PRELID2: variants seen among roughly 807,000 people sequenced by gnomAD.
PRELID2 encodes the protein PRELI domain-containing protein 2.
PRELID2 carries 25 observed loss-of-function variants against 28.4 expected under a neutral mutation model. The observed-to-expected ratio is 0.88, with a 90% CI of 0.64 to 1.23. PRELID2 has a LOEUF of 1.23. Ranked by LOEUF, PRELID2 falls within the 50% of genes most tolerant of loss-of-function variation. The probability of loss-of-function intolerance (pLI) is 0.00; values close to 1 mark genes in which losing one functional copy is unlikely to be tolerated. For synonymous variants in PRELID2, 76 were observed against 71.6 expected, an observed-to-expected ratio of 1.06 and a Z score of -0.31; for missense variants, 201 against 214.4, an observed-to-expected ratio of 0.94 and a Z score of 0.39.
At chr5:145,739,724 G>A (rs1178851334) in intron 1 of PRELID2, among the ~76,000 whole-genome samples, 1 of 151,806 alleles carries the variant, frequency 6.6e-6, no homozygotes, top group Non-Finnish European at 1.5e-5. Context: ...GCAAAGGGAG[G>A]TAAGGTTTCT....
At chr5:145,540,282 CATA>C (rs1312705200) in intron 1 of PRELID2, among the ~76,000 whole-genome samples, 5 of 151,952 alleles carry the variant, frequency 3.3e-5, no homozygotes, top group African/African-American at 9.6e-5. Context: ...GAATTAGAAA[CATA>C]ATAAGGGGAA....
the PRELID2 span, among the ~76,000 whole-genome samples, chr5:145,361,724 A>G: frequency 1.3e-5 from 2 of 152,124 alleles, no homozygotes; most frequent in African/African-American, 2.4e-5. Flanking sequence ...GCTCCTCATG[A>G]TCTGGCCTTG....
In PRELID2 at chr5:145,819,192, A is replaced by G. The variant is rs144311206; in HGVS notation, c.207+753T>C. On this transcript the variant is annotated intron_variant, in intron 3 of 6. Transcript: ENST00000683046. ...ATTACTCAGTCTCAGGTATGTCTTT[A>G]TCAGTAGCCTGAGAATGGAGTAACA... Among the ~76,000 whole-genome samples, 474 of 152,292 alleles carry G rather than the reference A, an allele frequency of 3.1e-3. 2 individuals are homozygous for G. The highest frequency in any genetic ancestry group is 0.01 in the African/African-American group (431 of 41,560).
the PRELID2 span, among the ~76,000 whole-genome samples, chr5:145,417,868 T>C: frequency 1.3e-5 from 2 of 152,148 alleles, no homozygotes; most frequent in African/African-American, 4.8e-5. Flanking sequence ...ACCATTTCTA[T>C]TCAACATAGT....
At chr5:145,678,118 A>G (rs1219773241) in intron 1 of PRELID2, among the ~76,000 whole-genome samples, 2 of 152,240 alleles carry the variant, frequency 1.3e-5, no homozygotes, top group Non-Finnish European at 2.9e-5. Context: ...CATATAATCC[A>G]GGCAAAAACT....
chr5:145,831,983 T>C (rs1483182921), intron 1 of PRELID2, among the ~76,000 whole-genome samples: 1 of 152,204 alleles, frequency 6.6e-6, no homozygotes, highest in Non-Finnish European at 1.5e-5. Flanking sequence ...ATTAAAAGCC[T>C]GTCATTGGTT....
chr5:145,564,750 T>C (rs1395950839), intron 1 of PRELID2, among the ~76,000 whole-genome samples: 1 of 152,180 alleles, frequency 6.6e-6, no homozygotes, highest in Non-Finnish European at 1.5e-5. Context: ...TTCCAATTGA[T>C]GGAAGAAATA....
chr5:145,287,349 C>G, the PRELID2 span, among the ~76,000 whole-genome samples: 73 of 152,006 alleles, frequency 4.8e-4, no homozygotes, highest in Non-Finnish European at 8.5e-4. Flanking sequence ...TGAATGTAGT[C>G]TCTTGCTCTC....
At chr5:145,330,767 A>G in the PRELID2 span, among the ~76,000 whole-genome samples, 1 of 152,062 alleles carries the variant, frequency 6.6e-6, no homozygotes, top group East Asian at 1.9e-4. Flanking sequence ...TCGTACCTCT[A>G]TCTCCTTCAG....
the PRELID2 span, among the ~76,000 whole-genome samples, chr5:145,394,131 T>A: frequency 6.6e-6 from 1 of 152,088 alleles, no homozygotes; most frequent in Admixed American, 6.6e-5. Flanking sequence ...CACATGTACA[T>A]GTATGTTTAT....
At chr5:145,729,392 AC>A (rs1326214623) in intron 1 of PRELID2, 12 of 447,902 alleles carry the variant, frequency 2.7e-5, no homozygotes, top group African/African-American at 2.5e-4. Context: ...GAGGCAGGTT[AC>A]CCATGAAACT....
the PRELID2 span, among the ~76,000 whole-genome samples, chr5:145,378,518 T>C: frequency 9.5e-4 from 145 of 152,296 alleles, no homozygotes; most frequent in Non-Finnish European, 4.1e-4. Context: ...TGTCTGACTG[T>C]CTTATTTCAG....
At chr5:145,676,212 C>T (rs1245113502) in intron 1 of PRELID2, among the ~76,000 whole-genome samples, 8 of 127,408 alleles carry the variant, frequency 6.3e-5, no homozygotes, top group Admixed American at 5.7e-4. Context: ...AAGAGCGAAA[C>T]TCCATCTCAA....
At chr5:145,419,654 C>T in the PRELID2 span, among the ~76,000 whole-genome samples, 34 of 151,892 alleles carry the variant, frequency 2.2e-4, no homozygotes, top group South Asian at 1.0e-3. Flanking sequence ...GAGTAGGTTG[C>T]GAAAATTTTC....
intron 1 of PRELID2, among the ~76,000 whole-genome samples, chr5:145,650,172 C>G (rs1381699633): frequency 6.7e-6 from 1 of 149,574 alleles, no homozygotes; most frequent in East Asian, 1.9e-4. Context: ...TAAGGACCCT[C>G]TTCCCTAGCG....
chr5:145,738,381 G>A (rs1288876820), intron 1 of PRELID2, among the ~76,000 whole-genome samples: 1 of 152,120 alleles, frequency 6.6e-6, no homozygotes, highest in Admixed American at 6.5e-5. Flanking sequence ...AGACACATTA[G>A]AATTATGTGG....
At chr5:145,603,163 C>T (rs1408193810) in intron 1 of PRELID2, among the ~76,000 whole-genome samples, 5 of 149,584 alleles carry the variant, frequency 3.3e-5, no homozygotes, top group African/African-American at 1.3e-4. Flanking sequence ...AGAACAGATA[C>T]TACTATTGAA....
the PRELID2 span, among the ~76,000 whole-genome samples, chr5:145,302,390 G>A: frequency 7.9e-5 from 12 of 151,714 alleles, no homozygotes; most frequent in East Asian, 1.9e-4. Context: ...TGCCCACCTC[G>A]GTCTCCCAAA....
the PRELID2 span, among the ~76,000 whole-genome samples, chr5:145,405,289 T>C: frequency 6.6e-6 from 1 of 152,196 alleles, no homozygotes; most frequent in Non-Finnish European, 1.5e-5. Flanking sequence ...AGCACTGTTT[T>C]TTCACACAGT....
Sources: allele counts gnomAD v4.1 joint callset (sites outside exome capture counted in the v4.1 genomes callset), GRCh38; gene constraint gnomAD v4.1.1; transcripts MANE v1.5; gene names NCBI Gene and HGNC (gene_info 2026-07-23, HGNC 2026-07-21).